The following AGBL4 variants were observed in gnomAD, a reference collection of about 807,000 sequenced individuals.
The protein encoded by AGBL4 is cytosolic carboxypeptidase 6.
AGBL4 carries 58 observed loss-of-function variants against 66.4 expected under a neutral mutation model. The ratio of observed to expected loss-of-function variants is 0.87; its 90% confidence interval spans 0.71 to 1.09. The LOEUF is 1.09. Ranked by LOEUF, AGBL4 falls within the 50% of genes least tolerant of loss-of-function variation. The pLI, the probability that AGBL4 is intolerant of heterozygous loss-of-function variation, is 0.00. For missense variants in AGBL4, 579 were observed against 631.0 expected (o/e 0.92, Z 0.88); for synonymous variants, 234 against 222.9 (o/e 1.05, Z -0.44).
chr1:49,677,822 C>G (rs1646610489), intron 3 of AGBL4, among the ~76,000 whole-genome samples: 1 of 152,134 alleles, frequency 6.6e-6, no homozygotes, highest in South Asian at 2.1e-4. Context: ...AGAGAGCTTG[C>G]TTGCTTTCTC....
chr1:49,057,889 G>C (rs1234789364), intron 4 of AGBL4, among the ~76,000 whole-genome samples: 5 of 152,138 alleles, frequency 3.3e-5, no homozygotes, highest in African/African-American at 1.2e-4. Context: ...TAACTGAATG[G>C]AGTGAATGTG....
chr1:49,552,838 G>A (rs1340354590), intron 3 of AGBL4, among the ~76,000 whole-genome samples: 2 of 152,128 alleles, frequency 1.3e-5, no homozygotes, highest in African/African-American at 2.4e-5. Context: ...CCATGATGAC[G>A]CTTGATTCCT....
chr1:48,818,190 G>A (rs573434463), intron 6 of AGBL4: 2 of 717,386 alleles, frequency 2.8e-6, no homozygotes, highest in South Asian at 3.0e-5. Flanking sequence ...TTCTCCTTCA[G>A]AAGCAAATGA....
chr1:48,544,976 C>G (rs1402480879), intron 11 of AGBL4, among the ~76,000 whole-genome samples: 1 of 152,142 alleles, frequency 6.6e-6, no homozygotes, highest in Admixed American at 6.5e-5. Context: ...TACTGTGTGA[C>G]CTTGCATGAG....
intron 3 of AGBL4, among the ~76,000 whole-genome samples, chr1:49,254,633 T>A (rs1056754966): frequency 5.3e-5 from 8 of 152,016 alleles, no homozygotes; most frequent in Non-Finnish European, 1.0e-4. Flanking sequence ...TAAACTACCA[T>A]TGAGATTCTT....
At chr1:49,771,746 CT>C (rs1644064964) in intron 2 of AGBL4, among the ~76,000 whole-genome samples, 1 of 151,854 alleles carries the variant, frequency 6.6e-6, no homozygotes, top group Admixed American at 6.6e-5. Flanking sequence ...AATATAATGA[CT>C]TTTTTCTCTC....
At chr1:49,701,373 G>T (rs746296689) in intron 2 of AGBL4, among the ~76,000 whole-genome samples, 1 of 151,970 alleles carries the variant, frequency 6.6e-6, no homozygotes, top group South Asian at 2.1e-4. Flanking sequence ...CACAAAAATA[G>T]TAATAATATA....
chr1:49,737,072 T>C (rs1300741815), intron 2 of AGBL4, among the ~76,000 whole-genome samples: 1 of 152,122 alleles, frequency 6.6e-6, no homozygotes, highest in Non-Finnish European at 1.5e-5. Context: ...GGATAGCTTA[T>C]ATGCTGTTGG....
At chr1:49,491,292 T>C (rs748297222) in intron 3 of AGBL4, among the ~76,000 whole-genome samples, 5 of 151,804 alleles carry the variant, frequency 3.3e-5, no homozygotes, top group Non-Finnish European at 7.4e-5. Context: ...TCTATCCTAA[T>C]TATAACCAAA....
At chr1:48,579,239 A>T (rs1399908815) in intron 11 of AGBL4, among the ~76,000 whole-genome samples, 5 of 151,634 alleles carry the variant, frequency 3.3e-5, no homozygotes, top group African/African-American at 1.2e-4. Context: ...TTTTATTTTT[A>T]TTTTTTTAGA....
chr1:48,863,962 T>A (rs911477255), intron 6 of AGBL4, among the ~76,000 whole-genome samples: 3 of 152,162 alleles, frequency 2.0e-5, no homozygotes, highest in South Asian at 4.1e-4. Context: ...AAAAATTTTT[T>A]AAAACCTCGC....
intron 3 of AGBL4, among the ~76,000 whole-genome samples, chr1:49,617,719 T>TCACTTTATAATGTACTA (rs1205016426): frequency 3.9e-5 from 6 of 152,184 alleles, no homozygotes; most frequent in African/African-American, 1.4e-4. Context: ...TTGTCTTCAT[T>TCACTTTATAATGTACTA]CACTTTATAA....
intron 5 of AGBL4, among the ~76,000 whole-genome samples, chr1:48,883,086 G>A (rs1259329576): frequency 2.6e-5 from 4 of 152,148 alleles, no homozygotes; most frequent in Non-Finnish European, 5.9e-5. Context: ...TGAAAGTTCA[G>A]ATTTTTCTTC....
chr1:49,828,934 T>C (rs1471287534), intron 2 of AGBL4, among the ~76,000 whole-genome samples: 1 of 151,970 alleles, frequency 6.6e-6, no homozygotes, highest in Non-Finnish European at 1.5e-5. Flanking sequence ...CCGGGCGCGG[T>C]GGCAGACACC....
intron 2 of AGBL4, among the ~76,000 whole-genome samples, chr1:49,713,523 T>C (rs963626048): frequency 1.3e-5 from 2 of 152,036 alleles, no homozygotes; most frequent in African/African-American, 2.4e-5. Context: ...TAATAGTAGC[T>C]GTAATAAACT....
intron 2 of AGBL4, among the ~76,000 whole-genome samples, chr1:49,804,377 G>T (rs1206539228): frequency 2.6e-5 from 4 of 152,156 alleles, no homozygotes; most frequent in Admixed American, 6.6e-5. Flanking sequence ...AAGCCAAAAG[G>T]TTGGACATCT....
intron 9 of AGBL4, among the ~76,000 whole-genome samples, chr1:48,598,644 G>C (rs1015828663): frequency 6.6e-6 from 1 of 152,124 alleles, no homozygotes; most frequent in African/African-American, 2.4e-5. Flanking sequence ...GGGCATAATG[G>C]TGCACACCTG....
At chr1:50,012,165 C>CAAAA (rs34501869) in intron 1 of AGBL4, among the ~76,000 whole-genome samples, 38 of 47,390 alleles carry the variant, frequency 8.0e-4, no homozygotes, top group Admixed American at 1.0e-3. Flanking sequence ...GACTCCGTCT[C>CAAAA]AAAAAAAAAA....
At chr1:49,885,974 C>A (rs188383879) in intron 1 of AGBL4, among the ~76,000 whole-genome samples, 11 of 152,212 alleles carry the variant, frequency 7.2e-5, no homozygotes, top group Admixed American at 7.2e-4. Flanking sequence ...AAGTGATGAT[C>A]TTGGACTTCT....
Sources: gnomAD v4.1 joint callset for allele counts (sites outside exome capture counted in the v4.1 genomes callset) on GRCh38, gnomAD v4.1.1 for gene constraint, MANE v1.5 for transcripts, NCBI Gene and HGNC (gene_info 2026-07-23, HGNC 2026-07-21) for gene names.